GLP2R: variants seen among roughly 807,000 people sequenced by gnomAD.
GLP2R encodes glucagon like peptide 2 receptor.
A neutral mutation model predicts 68.2 loss-of-function variants in GLP2R; 59 were observed. That is an observed-to-expected ratio of 0.87 (90% CI 0.70 to 1.07). The LOEUF is 1.07. GLP2R is among the 50% of genes least tolerant of loss of function. The pLI is 0.00. For synonymous variants in GLP2R, 270 were observed against 265.4 expected, an observed-to-expected ratio of 1.02 and a Z score of -0.17; for missense variants, 548 against 677.4, an observed-to-expected ratio of 0.81 and a Z score of 2.12.
chr17:9,878,415 T>C (rs1430116744), intron 10 of GLP2R, among the ~76,000 whole-genome samples: 1 of 152,246 alleles, frequency 6.6e-6, no homozygotes, highest in Non-Finnish European at 1.5e-5. Context: ...TTGTAACCTC[T>C]GGGCCAGAGG....
Position 9,859,977 on chromosome 17 carries a change from G to A in GLP2R, c.801G>A (p.Leu267=). 1.9e-6 allele frequency: 3 copies of A among 1,613,060 alleles called. No individual in the cohort carries two copies. Among genetic ancestry groups the A allele is most frequent in the South Asian group, 1.1e-5 (1 of 90,982 alleles). Residue 267 remains leucine, a synonymous_variant, in exon 7 of 13, where the codon TTG becomes TTA. Transcript: ENST00000262441. ...STSCRSVQVL[L]HYFVGANYLW... ...CCTGCCGCTCAGTCCAGGTTCTCTT[G>A]CATTACTTTGTGGGTGCCAATTACT...
intron 4 of GLP2R, among the ~76,000 whole-genome samples, chr17:9,853,628 T>C (rs1025845991): frequency 6.6e-6 from 1 of 152,190 alleles, no homozygotes; most frequent in Non-Finnish European, 1.5e-5. Flanking sequence ...TTGGATACAA[T>C]AATTTTTTTA....
At chr17:9,888,030 C>T (rs1010754101) in intron 12 of GLP2R, 57 bp downstream of exon 12, 1 of 1,202,346 alleles carries the variant, frequency 8.3e-7, no homozygotes, top group African/African-American at 1.5e-5. Flanking sequence ...GCAACCCTAC[C>T]CACCTCTGGA....
chr17:9,872,985 G>A (rs940258658), intron 10 of GLP2R, among the ~76,000 whole-genome samples: 1 of 152,188 alleles, frequency 6.6e-6, no homozygotes. Context: ...CTGGGGAGCC[G>A]GCCTGGCCTG....
chr17:9,868,523 G>A (rs1597396117), intron 9 of GLP2R, among the ~76,000 whole-genome samples: 1 of 152,204 alleles, frequency 6.6e-6, no homozygotes, highest in African/African-American at 2.4e-5. Context: ...TCCTGGAGGA[G>A]TTGGCTGGGT....
intron 4 of GLP2R, among the ~76,000 whole-genome samples, chr17:9,850,355 T>C (rs117126378): frequency 3.9e-4 from 60 of 152,338 alleles, no homozygotes; most frequent in Non-Finnish European, 7.2e-4. Flanking sequence ...CCCGTATCCC[T>C]TTGCCCTAAT....
chr17:9,838,285 C>T (rs572379297), intron 3 of GLP2R, among the ~76,000 whole-genome samples: 4 of 152,308 alleles, frequency 2.6e-5, no homozygotes, highest in African/African-American at 9.6e-5. Flanking sequence ...TCCACTTCCT[C>T]ATCTATGAAG....
chr17:9,836,464 G>T lies in GLP2R; in HGVS notation c.371G>T (p.Trp124Leu). 1 of 1,593,410 alleles carries T rather than the reference G, an allele frequency of 6.3e-7. No individual in the cohort carries two copies. The highest frequency in any genetic ancestry group is 1.3e-5 in the African/African-American group (1 of 74,568). Residue 124 changes from tryptophan to leucine, a missense_variant, in exon 3 of 13, where the codon TGG (tryptophan) becomes TTG (leucine). Trp to Leu is a moderately conservative substitution (Grantham distance 61, BLOSUM62 -2). Transcript: ENST00000262441. ...VSVPCPSYLP[W>L]WSEESSGRAY... ...GTACCCTGCCCTTCATACTTACCTT[G>T]GTGGAGTGAAGGTAATAAGTCTTAT...
intron 1 of GLP2R, among the ~76,000 whole-genome samples, chr17:9,828,657 C>G (rs140000643): frequency 2.3e-4 from 35 of 152,300 alleles, no homozygotes; most frequent in African/African-American, 8.4e-4. Flanking sequence ...CTCCTGAGCA[C>G]TGTAGCCGTT....
intron 2 of GLP2R, among the ~76,000 whole-genome samples, chr17:9,836,015 G>A (rs1382091321): frequency 6.8e-6 from 1 of 147,398 alleles, no homozygotes. Flanking sequence ...CTCCAGCCTG[G>A]GCAATACAGT....
At position 9,862,026 on chromosome 17, in the gene GLP2R, G is replaced by A; in HGVS notation, c.992G>A (p.Trp331Ter). The A allele has an allele frequency of 6.2e-7, 1 of 1,612,204 alleles. No homozygotes were observed. The highest frequency in any genetic ancestry group is 8.5e-7 in the Non-Finnish European group (1 of 1,178,262). ...GCTTCTACTGTTGACCTTAGGTGCT[G>A]GACAACAAATGGGAATAAGAAAATC... ...ARAHLENTGC[W>*]TTNGNKKIWW... Residue 331 changes from tryptophan to a stop codon, truncating the protein, a stop_gained, in exon 9 of 13, where the codon TGG (tryptophan) becomes TAG (stop). Coordinates refer to ENST00000262441, the MANE Select transcript of GLP2R (RefSeq NM_004246.3). LOFTEE classifies it high-confidence loss of function.
At chr17:9,830,324 T>C (rs1162728008) in intron 1 of GLP2R, among the ~76,000 whole-genome samples, 1 of 152,236 alleles carries the variant, frequency 6.6e-6, no homozygotes. Flanking sequence ...TGTCCACCAA[T>C]GGATCTTACA....
chr17:9,845,045 G>A (rs118157867), intron 4 of GLP2R, among the ~76,000 whole-genome samples: 2,659 of 142,342 alleles, frequency 0.019, 33 homozygotes, highest in Middle Eastern at 0.046. Context: ...CCCACTCTCC[G>A]CCACTCCCAA....
chr17:9,875,318 C>A (rs1190368405), intron 10 of GLP2R, among the ~76,000 whole-genome samples: 2 of 152,156 alleles, frequency 1.3e-5, no homozygotes, highest in Non-Finnish European at 2.9e-5. Context: ...TGTTCCTCTT[C>A]CTCATCCCCT....
chr17:9,833,918 G>A (rs377049573), intron 2 of GLP2R, 24 bp downstream of exon 2: 147 of 1,450,462 alleles, frequency 1.0e-4, no homozygotes, highest in Non-Finnish European at 1.3e-4. Flanking sequence ...TTAGTTATCC[G>A]TGGCTGTGTA....
chr17:9,862,601 C>T (rs1040615355), intron 9 of GLP2R, among the ~76,000 whole-genome samples: 2 of 152,054 alleles, frequency 1.3e-5, no homozygotes, highest in Admixed American at 6.6e-5. Context: ...CATTGTGGTC[C>T]AGAATATTTG....
In GLP2R at chr17:9,826,039, C is replaced by G; in HGVS notation, c.-25C>G. 6.3e-7 allele frequency: 1 copy of G among 1,599,640 alleles called. No homozygotes were observed. Among genetic ancestry groups the G allele is most frequent in the Non-Finnish European group, 8.5e-7 (1 of 1,173,358 alleles). ...CTTGGACGGCTAGAGAGATGTACCC[C>G]TACTTGTGAAGGTGCACGAGGAAGA... On this transcript the variant is annotated 5_prime_UTR_variant, in exon 1 of 13. Coordinates refer to ENST00000262441, the MANE Select transcript of GLP2R (RefSeq NM_004246.3).
Position 9,889,366 on chromosome 17 carries a change from G to A in GLP2R, c.1327-4G>A, listed in dbSNP as rs2067269906. The A allele has an allele frequency of 6.2e-7, 1 of 1,600,762 alleles. No individual in the cohort carries two copies. Among genetic ancestry groups the A allele is most frequent in the African/African-American group, 1.3e-5 (1 of 74,666 alleles). Reference sequence around the variant, plus strand: ...AGTAACCTCTCACTTGTCTCACCCGGCAGGTGAAGGCTGAGCTGCGGAAAT... The same window carrying A: ...AGTAACCTCTCACTTGTCTCACCCGACAGGTGAAGGCTGAGCTGCGGAAAT... On this transcript the variant is annotated splice_polypyrimidine_tract_variant and splice_region_variant and intron_variant, in intron 12 of 12. Coordinates refer to ENST00000262441, the MANE Select transcript of GLP2R (RefSeq NM_004246.3).
intron 1 of GLP2R, among the ~76,000 whole-genome samples, chr17:9,830,503 A>G (rs1054077693): frequency 1.3e-5 from 2 of 152,252 alleles, no homozygotes; most frequent in African/African-American, 4.8e-5. Flanking sequence ...AGAGAGAGAT[A>G]TTAATAGAGA....
Sources: gnomAD v4.1 joint callset for allele counts (sites outside exome capture counted in the v4.1 genomes callset) on GRCh38, gnomAD v4.1.1 for gene constraint, MANE v1.5 for transcripts, NCBI Gene and HGNC (gene_info 2026-07-23, HGNC 2026-07-21) for gene names.